The following DSCAM variants were observed in gnomAD, a reference collection of about 807,000 sequenced individuals.
DSCAM encodes cell adhesion molecule DSCAM.
Under a neutral mutation model 217.7 loss-of-function variants are expected in DSCAM, and 47 were observed. The observed-to-expected ratio is 0.22, with a 90% CI of 0.17 to 0.28. The LOEUF is 0.28. Among genes scored for constraint, DSCAM ranks in the 10% least tolerant of loss-of-function variants. The pLI is 1.00. For missense variants in DSCAM, 2,080 were observed against 2,618.3 expected, an observed-to-expected ratio of 0.79 and a Z score of 4.49; for synonymous variants, 1,056 against 1,015.3, an observed-to-expected ratio of 1.04 and a Z score of -0.76.
chr21:40,316,040 ATACT>A (rs2074192864), intron 8 of DSCAM, among the ~76,000 whole-genome samples: 1 of 152,240 alleles, frequency 6.6e-6, no homozygotes, highest in South Asian at 2.1e-4. Flanking sequence ...CAAAATCGTA[ATACT>A]TAATTAGCAT....
At chr21:40,279,968 G>A (rs1234444281) in intron 10 of DSCAM, among the ~76,000 whole-genome samples, 1 of 151,926 alleles carries the variant, frequency 6.6e-6, no homozygotes. Context: ...GTGAGGGGGT[G>A]GGGGCAAGGG....
intron 20 of DSCAM, among the ~76,000 whole-genome samples, chr21:40,103,708 T>G (rs985460772): frequency 2.9e-4 from 44 of 151,622 alleles, no homozygotes; most frequent in African/African-American, 1.0e-3. Flanking sequence ...TATATGACTA[T>G]ATATAGACTA....
chr21:40,104,172 A>G (rs889113100), intron 20 of DSCAM, among the ~76,000 whole-genome samples: 6 of 152,060 alleles, frequency 3.9e-5, no homozygotes, highest in Non-Finnish European at 5.9e-5. Context: ...TGCCATGAAA[A>G]TTATCTATCT....
intron 3 of DSCAM, among the ~76,000 whole-genome samples, chr21:40,429,931 C>T (rs1029567284): frequency 4.6e-5 from 7 of 152,188 alleles, no homozygotes; most frequent in African/African-American, 1.4e-4. Context: ...ATTAAAGTTA[C>T]TAATATCTCC....
chr21:40,788,968 A>T (rs1232882081), intron 1 of DSCAM, among the ~76,000 whole-genome samples: 2 of 152,324 alleles, frequency 1.3e-5, no homozygotes, highest in African/African-American at 4.8e-5. Context: ...ATCAGAATCT[A>T]ATTTTAGAAT....
chr21:40,720,647 G>C (rs2090891439), intron 1 of DSCAM, among the ~76,000 whole-genome samples: 1 of 151,378 alleles, frequency 6.6e-6, no homozygotes, highest in Non-Finnish European at 1.5e-5. Context: ...TTTACTCTAT[G>C]TCTTCACTAA....
chr21:40,313,275 G>A (rs1691266880), intron 8 of DSCAM, among the ~76,000 whole-genome samples: 1 of 152,108 alleles, frequency 6.6e-6, no homozygotes, highest in Non-Finnish European at 1.5e-5. Context: ...CACTTTACGT[G>A]TGTAACTTTT....
intron 3 of DSCAM, among the ~76,000 whole-genome samples, chr21:40,623,439 C>G (rs926931390): frequency 9.9e-5 from 15 of 152,190 alleles, no homozygotes; most frequent in African/African-American, 3.6e-4. Context: ...ATCAATAAAG[C>G]AGCTTTTTAA....
intron 20 of DSCAM, among the ~76,000 whole-genome samples, chr21:40,111,753 A>T (rs930203321): frequency 2.6e-5 from 4 of 152,294 alleles, no homozygotes; most frequent in African/African-American, 7.2e-5. Context: ...AAAAAAAGGC[A>T]GGGGTTGCAA....
intron 3 of DSCAM, among the ~76,000 whole-genome samples, chr21:40,608,516 C>T (rs1467632964): frequency 6.6e-6 from 1 of 152,140 alleles, no homozygotes; most frequent in African/African-American, 2.4e-5. Context: ...CAGATAAGCT[C>T]TGGAAAAGGT....
intron 32 of DSCAM, among the ~76,000 whole-genome samples, chr21:40,020,541 G>T (rs1455114186): frequency 6.6e-6 from 1 of 152,048 alleles, no homozygotes; most frequent in African/African-American, 2.4e-5. Context: ...GAGAGAGAGA[G>T]AGAGAGGAGA....
At chr21:40,044,296 T>C (rs1162995509) in intron 30 of DSCAM, 21 bp from the exon 31 acceptor site, 14 of 1,601,092 alleles carry the variant, frequency 8.7e-6, no homozygotes, top group African/African-American at 1.3e-5. Flanking sequence ...CCAAGAATCA[T>C]GTCTGCCTTT....
chr21:40,790,115 G>A (rs1054607242), intron 1 of DSCAM, among the ~76,000 whole-genome samples: 7 of 151,858 alleles, frequency 4.6e-5, no homozygotes, highest in African/African-American at 1.7e-4. Flanking sequence ...ACTATCTGGA[G>A]CTCACAGGAG....
chr21:40,376,872 T>C (rs1324303234), intron 3 of DSCAM, among the ~76,000 whole-genome samples: 1 of 151,958 alleles, frequency 6.6e-6, no homozygotes, highest in Non-Finnish European at 1.5e-5. Context: ...ACATCTAACC[T>C]GACGTTATGA....
At chr21:40,272,721 T>G (rs1470811502) in intron 11 of DSCAM, among the ~76,000 whole-genome samples, 2 of 152,202 alleles carry the variant, frequency 1.3e-5, no homozygotes, top group Non-Finnish European at 2.9e-5. Flanking sequence ...AGCAGCTGTC[T>G]TAATTTCCTG....
At chr21:40,067,283 A>C (rs1484083559) in intron 27 of DSCAM, among the ~76,000 whole-genome samples, 1 of 152,240 alleles carries the variant, frequency 6.6e-6, no homozygotes, top group East Asian at 1.9e-4. Flanking sequence ...AAAAACTCCT[A>C]AGTTGAACCA....
chr21:40,263,319 C>T (rs951053380), intron 11 of DSCAM, among the ~76,000 whole-genome samples: 5 of 152,072 alleles, frequency 3.3e-5, no homozygotes, highest in African/African-American at 7.2e-5. Flanking sequence ...GATGAATAAA[C>T]GTGTGAGCAG....
intron 3 of DSCAM, among the ~76,000 whole-genome samples, chr21:40,520,419 C>T (rs1054824357): frequency 5.9e-5 from 9 of 152,078 alleles, no homozygotes; most frequent in African/African-American, 2.2e-4. Flanking sequence ...TCAAAGATTG[C>T]TGTCAACAAT....
intron 20 of DSCAM, among the ~76,000 whole-genome samples, chr21:40,109,808 C>A (rs1172774949): frequency 6.6e-6 from 1 of 152,200 alleles, no homozygotes; most frequent in Non-Finnish European, 1.5e-5. Context: ...GCCCACAGAG[C>A]CTCACTCATT....
Sources: gnomAD v4.1 joint callset for allele counts (sites outside exome capture counted in the v4.1 genomes callset) on GRCh38, gnomAD v4.1.1 for gene constraint, MANE v1.5 for transcripts, NCBI Gene and HGNC (gene_info 2026-07-23, HGNC 2026-07-21) for gene names.